Variants in MACROD2 observed in about 807,000 individuals in gnomAD.
MACROD2 encodes ADP-ribose glycohydrolase MACROD2.
In MACROD2, 36 loss-of-function variants were observed where a neutral mutation model predicts 70.4. The observed-to-expected ratio is 0.51, with a 90% CI of 0.39 to 0.68. MACROD2 has a LOEUF of 0.68. Among genes scored for constraint, MACROD2 ranks in the 30% least tolerant of loss-of-function variants. The probability of loss-of-function intolerance (pLI) is 0.00; values close to 1 mark genes in which losing one functional copy is unlikely to be tolerated. For missense variants in MACROD2, 496 were observed against 538.4 expected, an observed-to-expected ratio of 0.92 and a Z score of 0.78; for synonymous variants, 172 against 178.8, an observed-to-expected ratio of 0.96 and a Z score of 0.30.
At chr20:14,903,809 C>T (rs1248739405) in intron 5 of MACROD2, among the ~76,000 whole-genome samples, 1 of 152,132 alleles carries the variant, frequency 6.6e-6, no homozygotes, top group Non-Finnish European at 1.5e-5. Context: ...CTGATGGAGG[C>T]TTTCCCACTA....
intron 5 of MACROD2, among the ~76,000 whole-genome samples, chr20:14,926,825 G>A (rs2074239045): frequency 6.6e-6 from 1 of 152,132 alleles, no homozygotes. Context: ...AAAGCAGGGG[G>A]TGTGGGAGCC....
At chr20:15,653,094 C>G (rs998926286) in intron 8 of MACROD2, among the ~76,000 whole-genome samples, 1 of 152,156 alleles carries the variant, frequency 6.6e-6, no homozygotes, top group African/African-American at 2.4e-5. Flanking sequence ...AATTTCTCCT[C>G]TAGGCCCTAC....
intron 4 of MACROD2, among the ~76,000 whole-genome samples, chr20:14,597,041 T>C (rs958869254): frequency 3.9e-5 from 6 of 152,226 alleles, no homozygotes; most frequent in Non-Finnish European, 7.4e-5. Context: ...GACCGTTTTA[T>C]CTTACAAATA....
At chr20:14,853,173 C>CTGTATG (rs35279137) in intron 5 of MACROD2, among the ~76,000 whole-genome samples, 2 of 149,240 alleles carry the variant, frequency 1.3e-5, no homozygotes, top group African/African-American at 2.5e-5. Flanking sequence ...GTGTGTGTGT[C>CTGTATG]TGTGTGTGTG....
intron 3 of MACROD2, among the ~76,000 whole-genome samples, chr20:14,190,803 G>T (rs1242978686): frequency 7.2e-6 from 1 of 137,942 alleles, no homozygotes; most frequent in African/African-American, 2.8e-5. Flanking sequence ...CGCCTCCCAG[G>T]TTCATGCCAT....
rs73597724 is a variant in MACROD2, at chr20:15,949,285, T to G, written c.907+11741T>G. On this transcript the variant is annotated intron_variant, in intron 12 of 17. Coordinates refer to ENST00000684519, the MANE Select transcript of MACROD2 (RefSeq NM_001351661.2). ...AAACTTTGAGTTGGCAGCATTATTG[T>G]TTTTTACAATTATTGTTATTACATT... Among the ~76,000 whole-genome samples, 332 of 152,296 alleles carry G rather than the reference T, an allele frequency of 2.2e-3. 1 individual carries two copies. The South Asian group carries it at 0.023, about 11-fold the overall frequency.
chr20:15,044,465 G>C (rs577384603), intron 5 of MACROD2, among the ~76,000 whole-genome samples: 2 of 152,182 alleles, frequency 1.3e-5, no homozygotes, highest in East Asian at 3.9e-4. Flanking sequence ...TGTGCGGAGT[G>C]TCTCCCATTT....
At chr20:15,156,842 C>T (rs411668) in intron 5 of MACROD2, among the ~76,000 whole-genome samples, 93,255 of 152,072 alleles carry the variant, frequency 0.61, 28,792 homozygotes, top group African/African-American at 0.66. Flanking sequence ...CTGTATTAGC[C>T]AAGCCATTTA....
intron 6 of MACROD2, among the ~76,000 whole-genome samples, chr20:15,346,749 T>A (rs1350776221): frequency 6.6e-6 from 1 of 152,212 alleles, no homozygotes; most frequent in Non-Finnish European, 1.5e-5. Context: ...AGCTTATACC[T>A]TCAGAGGTTA....
intron 3 of MACROD2, among the ~76,000 whole-genome samples, chr20:14,315,650 A>G (rs2082606365): frequency 1.3e-5 from 2 of 152,238 alleles, no homozygotes; most frequent in Admixed American, 1.3e-4. Flanking sequence ...AGTTAGCTTA[A>G]TAGCTAGAAG....
chr20:14,400,652 G>A (rs185810727), intron 3 of MACROD2, among the ~76,000 whole-genome samples: 8 of 152,128 alleles, frequency 5.3e-5, no homozygotes, highest in Admixed American at 2.0e-4. Flanking sequence ...AAATGTCTCC[G>A]GGCAGCAAGA....
At chr20:14,015,945 G>A (rs1465778356) in intron 2 of MACROD2, among the ~76,000 whole-genome samples, 1 of 152,140 alleles carries the variant, frequency 6.6e-6, no homozygotes, top group Non-Finnish European at 1.5e-5. Context: ...TGGTTTAGAA[G>A]TATCTTTTTA....
intron 4 of MACROD2, 186 bp downstream of exon 4, chr20:14,493,694 T>A (rs1310686573): frequency 9.9e-6 from 5 of 503,804 alleles, no homozygotes; most frequent in Non-Finnish European, 1.8e-5. Context: ...GTTATTTTAA[T>A]TGACTTCGAG....
At chr20:15,933,207 A>G in intron 10 of MACROD2, 69 bp from the exon 11 acceptor site, 1 of 1,464,630 alleles carries the variant, frequency 6.8e-7, no homozygotes, top group South Asian at 1.2e-5. Flanking sequence ...AGTGCTGCAT[A>G]TTAGCCGTAA....
At chr20:15,248,061 G>T (rs1202949494) in intron 6 of MACROD2, among the ~76,000 whole-genome samples, 3 of 152,130 alleles carry the variant, frequency 2.0e-5, no homozygotes, top group African/African-American at 7.2e-5. Context: ...GCTACTGAAT[G>T]GACTTCAAGC....
intron 2 of MACROD2, among the ~76,000 whole-genome samples, chr20:14,049,182 A>AAAC (rs1555913501): frequency 3.2e-4 from 31 of 97,340 alleles, no homozygotes; most frequent in African/African-American, 8.9e-4. Context: ...AATAAAAAAA[A>AAAC]AAAAAAACAA....
chr20:14,349,743 T>C (rs78144082), intron 3 of MACROD2, among the ~76,000 whole-genome samples: 2,533 of 150,696 alleles, frequency 0.017, 65 homozygotes, highest in African/African-American at 0.056. Context: ...GTGCCTGGCT[T>C]ATTTCATGTA....
At chr20:15,983,248 G>A (rs1000719883) in intron 13 of MACROD2, among the ~76,000 whole-genome samples, 18 of 152,172 alleles carry the variant, frequency 1.2e-4, no homozygotes, top group South Asian at 4.1e-4. Context: ...CATCTAAATA[G>A]ATGTGAGAGT....
intron 5 of MACROD2, among the ~76,000 whole-genome samples, chr20:15,059,531 T>C (rs986904248): frequency 1.4e-4 from 21 of 152,204 alleles, no homozygotes; most frequent in Non-Finnish European, 2.8e-4. Context: ...GCTTTCCTTA[T>C]GGGGGCAGTA....
Sources: allele counts gnomAD v4.1 joint callset (sites outside exome capture counted in the v4.1 genomes callset), GRCh38; gene constraint gnomAD v4.1.1; transcripts MANE v1.5; gene names NCBI Gene and HGNC (gene_info 2026-07-23, HGNC 2026-07-21).